The following CAND1 variants were observed in gnomAD, a reference collection of about 807,000 sequenced individuals.
The protein encoded by CAND1 is cullin associated and neddylation dissociated 1, also known as cullin-associated NEDD8-dissociated protein 1.
Under a neutral mutation model 108.5 loss-of-function variants are expected in CAND1, and 7 were observed. The ratio of observed to expected loss-of-function variants is 0.06; its 90% CI spans 0.04 to 0.12. CAND1 has a LOEUF of 0.12. CAND1 is among the 10% of genes least tolerant of loss of function. The pLI is 1.00. For synonymous variants in CAND1, 534 were observed against 512.0 expected (o/e 1.04, Z -0.58); for missense variants, 941 against 1,448.7 (o/e 0.65, Z 5.69).
rs1281226549 is a variant in CAND1 at position 67,312,910 on chromosome 12, A to G, written c.*80A>G. 1 of 927,636 alleles carries G rather than the reference A, an allele frequency of 1.1e-6. No individual in the cohort carries two copies. The highest frequency in any genetic ancestry group is 1.6e-6 in the Non-Finnish European group (1 of 619,980). The allele number at this position is 927,636 out of a possible 1,614,324, so 57.5% of individuals were successfully genotyped here. A position where few individuals can be genotyped will look rare whatever the true frequency, so the allele number is the denominator to read the frequency against. ...CAGGTTAATCATAAGACATGGAAAG[A>G]GAAGTGTCTAAAAGCTTCAAAATGT... is the stretch of plus-strand genomic sequence containing the variant. On this transcript the variant is annotated 3_prime_UTR_variant, in exon 15 of 15. Coordinates refer to ENST00000545606, the MANE Select transcript of CAND1 (RefSeq NM_018448.5).
chr12:67,276,555 T>C (rs2044571243), intron 1 of CAND1, among the ~76,000 whole-genome samples: 4 of 152,186 alleles, frequency 2.6e-5, no homozygotes, highest in Admixed American at 2.6e-4. Flanking sequence ...ATTCGGCCTC[T>C]TAATAAATTT....
chr12:67,305,922 C>T lies in CAND1; in HGVS notation c.2254C>T (p.Leu752Phe). Reference protein sequence around the residue: ...VRSPLLQGGALSAMLDFFQAL... With the variant: ...VRSPLLQGGAFSAMLDFFQAL... ...ATCACCCTTATTGCAGGGGGGAGCT[C>T]TTAGTGCCATGCTAGACTTTTTCCA... The change falls in exon 10 of 15, where the codon CTT becomes TTT. Residue 752 changes from leucine to phenylalanine, a missense_variant. By Grantham distance (22) the Leu-to-Phe change is conservative. This residue lies in a region of CAND1 where 697 missense variants were observed against 942.0 expected (regional missense o/e 0.74). Coordinates refer to ENST00000545606, the MANE Select transcript of CAND1 (RefSeq NM_018448.5). The surrounding 1 kb of genome is among the most constrained non-coding windows in gnomAD (Gnocchi z 4.4). 6.2e-7 allele frequency: 1 copy of T among 1,614,150 alleles called. No homozygotes were observed. Among genetic ancestry groups the T allele is most frequent in the Non-Finnish European group, 8.5e-7 (1 of 1,180,014 alleles).
Position 67,311,757 on chromosome 12 carries a change from T to C in CAND1, c.3425T>C (p.Leu1142Ser). ...TLCPSAVLQR[L>S]DRLVEPLRAT... ...TGTCCAAGTGCAGTACTGCAGAGGT[T>C]GGACCGACTTGTTGAGCCATTACGT... is the stretch of plus-strand genomic sequence containing the variant. The change falls in exon 14 of 15, where the codon TTG becomes TCG. Residue 1142 changes from leucine to serine, a missense_variant. This residue lies in a region of CAND1 where 22 missense variants were observed against 24.4 expected (regional missense o/e 0.90). Coordinates refer to ENST00000545606, the MANE Select transcript of CAND1 (RefSeq NM_018448.5). The C allele has an allele frequency of 6.2e-7, 1 of 1,612,328 alleles. No homozygotes were observed. Among genetic ancestry groups the C allele is most frequent in the East Asian group, 2.2e-5 (1 of 44,820 alleles).
At chr12:67,296,122 G>A (rs1044349735) in intron 4 of CAND1, among the ~76,000 whole-genome samples, 1 of 147,106 alleles carries the variant, frequency 6.8e-6, no homozygotes, top group Non-Finnish European at 1.5e-5. Context: ...ATAGATTGGG[G>A]TCATGTTGAG....
At chr12:67,311,859 A>G (rs1170121093) in intron 14 of CAND1, 59 bp downstream of exon 14, 3 of 958,324 alleles carry the variant, frequency 3.1e-6, no homozygotes, top group Non-Finnish European at 5.1e-6. Flanking sequence ...TTCCTAGCCA[A>G]TTCTTTTCTC....
Position 67,312,788 on chromosome 12 carries a change from A to G in CAND1, c.3651A>G (p.Lys1217=). ...ELAAIFESIQ[K]DSSSTNLESM... is the part of the protein sequence containing the mutation. ...CGGCTATCTTTGAAAGTATCCAGAAAGATTCATCATCTACTAACTTGGAAT... is the reference window on the plus strand; with the variant it reads ...CGGCTATCTTTGAAAGTATCCAGAAGGATTCATCATCTACTAACTTGGAAT... Residue 1217 remains lysine, a synonymous_variant, in exon 15 of 15, where the codon AAA becomes AAG. Transcript: ENST00000545606. 2.5e-6 allele frequency: 4 copies of G among 1,613,490 alleles called. No individual in the cohort carries two copies. The highest frequency in any genetic ancestry group is 3.4e-6 in the Non-Finnish European group (4 of 1,179,714).
In CAND1 at chr12:67,318,059, G is replaced by C. The variant is rs1424408235; in HGVS notation, c.*5229G>C. ...AGGCCAAGGCAGGTGGATTGCTTGA[G>C]GTCAAGAGTTCGAGACCAGTCTGGC... On this transcript the variant is annotated 3_prime_UTR_variant, in exon 15 of 15. Transcript: ENST00000545606. 2 of 152,308 alleles carry C rather than the reference G, an allele frequency of 1.3e-5. No individual in the cohort carries two copies. The highest frequency in any genetic ancestry group is 2.9e-5 in the Non-Finnish European group (2 of 68,114). The allele number at this position is 152,308 out of a possible 1,614,324, so 9.4% of individuals were successfully genotyped here.
At chr12:67,307,362 A>G (rs748341673) in intron 10 of CAND1, 35 bp from the exon 11 acceptor site, 17 of 1,456,520 alleles carry the variant, frequency 1.2e-5, no homozygotes, top group Non-Finnish European at 1.4e-5. Flanking sequence ...TTAGTGGACT[A>G]CATACCAATA....
intron 11 of CAND1, among the ~76,000 whole-genome samples, chr12:67,308,069 A>G (rs966555191): frequency 1.3e-5 from 2 of 152,032 alleles, no homozygotes; most frequent in Admixed American, 1.3e-4. Context: ...TTCTGATTTT[A>G]TAACCTCCTT....
intron 2 of CAND1, among the ~76,000 whole-genome samples, chr12:67,289,867 C>T (rs2044706600): frequency 6.6e-6 from 1 of 151,868 alleles, no homozygotes; most frequent in Admixed American, 6.6e-5. Flanking sequence ...ACCAAATTGA[C>T]CTGCCTACTA....
chr12:67,293,658 C>G (rs928818416), intron 3 of CAND1, among the ~76,000 whole-genome samples: 2 of 152,002 alleles, frequency 1.3e-5, no homozygotes, highest in Non-Finnish European at 2.9e-5. Context: ...GAGGCTGAGG[C>G]AGGAGAATCA....
chr12:67,318,978 A>G lies in CAND1; in HGVS notation c.*6148A>G, dbSNP rs565436429. 6.6e-6 allele frequency: 1 copy of G among 152,330 alleles called. No homozygotes were observed. The highest frequency in any genetic ancestry group is 2.1e-4 in the South Asian group (1 of 4,824). 9.4% of individuals were successfully genotyped at this position (152,330 alleles called of 1,614,324 possible). ...TGCATCACAGTCACCTGTAAGACTT[A>G]TTAAAACAGATCGCTGGGCCCTACA... On this transcript the variant is annotated 3_prime_UTR_variant, in exon 15 of 15. Coordinates refer to ENST00000545606, the MANE Select transcript of CAND1 (RefSeq NM_018448.5).
At chr12:67,309,014 T>C (rs2044920576) in intron 11 of CAND1, among the ~76,000 whole-genome samples, 1 of 152,030 alleles carries the variant, frequency 6.6e-6, no homozygotes, top group African/African-American at 2.4e-5. Context: ...GATCATATAA[T>C]GATGAATAAT....
intron 2 of CAND1, among the ~76,000 whole-genome samples, chr12:67,290,118 T>G (rs1438670837): frequency 2.6e-5 from 4 of 152,232 alleles, no homozygotes; most frequent in Non-Finnish European, 5.9e-5. Context: ...TTTTTACTCC[T>G]AATTTGTTTC....
rs1233302523 is a variant in CAND1, at chr12:67,298,940, T to C, written c.855-10T>C. The stretch of plus-strand genomic sequence containing the variant: ...CAGCTCTTCAAGGCAGCTTTTGTTT[T>C]TGTCTTTAGATGTCCTAAGGAAGTA... On this transcript the variant is annotated splice_polypyrimidine_tract_variant and intron_variant, in intron 6 of 14. Coordinates refer to ENST00000545606, the MANE Select transcript of CAND1 (RefSeq NM_018448.5). 2.7e-6 allele frequency: 4 copies of C among 1,504,542 alleles called. No homozygotes were observed. The African/African-American group carries it at 5.5e-5, about 21-fold the overall frequency. The allele number at this position is 1,504,542 out of a possible 1,614,324, so 93.2% of individuals were successfully genotyped here.
chr12:67,273,419 C>G (rs2044540219), intron 1 of CAND1, among the ~76,000 whole-genome samples: 1 of 151,758 alleles, frequency 6.6e-6, no homozygotes, highest in East Asian at 1.9e-4. Context: ...AACCATGTGA[C>G]ACTCCATTTG....
At chr12:67,284,835 T>C (rs1431828135) in intron 2 of CAND1, among the ~76,000 whole-genome samples, 1 of 68,088 alleles carries the variant, frequency 1.5e-5, no homozygotes, top group Non-Finnish European at 4.0e-5. Context: ...AAATACCAGA[T>C]ACATTCACCC....
At chr12:67,284,396 T>A (rs955217533) in intron 2 of CAND1, among the ~76,000 whole-genome samples, 4 of 152,204 alleles carry the variant, frequency 2.6e-5, no homozygotes, top group Non-Finnish European at 5.9e-5. Flanking sequence ...TTCAGTATTA[T>A]ATGCTTTATT....
chr12:67,281,805 A>T, intron 1 of CAND1, 105 bp from the exon 2 acceptor site: 2 of 653,734 alleles, frequency 3.1e-6, no homozygotes, highest in Non-Finnish European at 4.8e-6. Flanking sequence ...ATAATAAAAG[A>T]TGTTTCTGTT....
Sources: gnomAD v4.1 joint callset for allele counts (sites outside exome capture counted in the v4.1 genomes callset) on GRCh38, gnomAD v4.1.1 for gene constraint, gnomAD v4.1.1 regional missense constraint, Gnocchi (gnomAD v3.1) non-coding constraint, MANE v1.5 for transcripts, NCBI Gene and HGNC (gene_info 2026-07-23, HGNC 2026-07-21) for gene names.